The following EPS8 variants were observed in gnomAD, a reference collection of about 807,000 sequenced individuals.
EPS8 encodes epidermal growth factor receptor kinase substrate 8.
A neutral mutation model predicts 103.8 loss-of-function variants in EPS8; 42 were observed. That is an observed-to-expected ratio of 0.40 (90% CI 0.32 to 0.52). The LOEUF (loss-of-function observed/expected upper bound fraction) is 0.52, where lower values mean the gene tolerates loss of function less well. Ranked by LOEUF, EPS8 falls within the 20% of genes least tolerant of loss-of-function variation. EPS8 has a pLI of 0.40. For synonymous variants in EPS8, 344 were observed against 344.6 expected, an observed-to-expected ratio of 1.00 and a Z score of 0.02; for missense variants, 969 against 1,005.1, an observed-to-expected ratio of 0.96 and a Z score of 0.49.
intron 15 of EPS8, 55 bp downstream of exon 15, chr12:15,647,072 A>G (rs1421134419): frequency 7.2e-6 from 11 of 1,538,236 alleles, no homozygotes; most frequent in Non-Finnish European, 9.7e-6. Flanking sequence ...CTCTGTTAGC[A>G]CTAGATCAGA....
intron 1 of EPS8, among the ~76,000 whole-genome samples, chr12:15,686,231 A>T (rs1178246892): frequency 6.6e-6 from 1 of 152,160 alleles, no homozygotes; most frequent in African/African-American, 2.4e-5. Flanking sequence ...TCTCCTTCTT[A>T]AGTATTTTCT....
rs1944839568 is a variant in EPS8 at position 15,620,138 on chromosome 12, TG to T, written c.*1178del. The T allele has an allele frequency of 6.6e-6, 1 of 152,646 alleles. No individual in the cohort carries two copies. Among genetic ancestry groups the T allele is most frequent in the Non-Finnish European group, 1.5e-5 (1 of 68,044 alleles). 9.5% of individuals were successfully genotyped at this position (152,646 alleles called of 1,614,324 possible). Reference sequence around the variant, plus strand: ...CAGCCGATCTAGCACAGATCCTTTTTGCTAATGAGACAGAAACCATTTATTA... The same window carrying T: ...CAGCCGATCTAGCACAGATCCTTTTTCTAATGAGACAGAAACCATTTATTA... On this transcript the variant is annotated 3_prime_UTR_variant, in exon 21 of 21. Coordinates refer to ENST00000281172, the MANE Select transcript of EPS8 (RefSeq NM_004447.6).
In EPS8 at chr12:15,751,741, C is replaced by CT. The variant is rs1946933846; in HGVS notation, c.-22+37419_-22+37420insA. ...CCATTTCGCTCTCTCCTCCCTCCCT[C>CT]CTCTATACTTTCCCTCCTCCTTAGT... On this transcript the variant is annotated intron_variant, in intron 1 of 20. Coordinates refer to ENST00000281172, the MANE Select transcript of EPS8 (RefSeq NM_004447.6). The surrounding 1 kb of genome is among the most constrained non-coding windows in gnomAD (Gnocchi z 4.3). Among the ~76,000 whole-genome samples the CT allele has an allele frequency of 6.6e-6, 1 of 152,086 alleles. No individual in the cohort carries two copies.
intron 12 of EPS8, chr12:15,657,801 G>A (rs1052474749): frequency 3.0e-5 from 10 of 335,232 alleles, no homozygotes; most frequent in East Asian, 8.2e-5. Context: ...ACTAGTATAC[G>A]TTGAAATACT....
intron 1 of EPS8, among the ~76,000 whole-genome samples, chr12:15,726,323 G>A (rs986974497): frequency 6.6e-5 from 10 of 152,070 alleles, no homozygotes; most frequent in South Asian, 2.1e-4. Context: ...GGAGGGGGCT[G>A]GAAATCTCAG....
chr12:15,784,680 T>A lies in EPS8; in HGVS notation c.-22+4481A>T, dbSNP rs1055017539. Among the ~76,000 whole-genome samples the A allele has an allele frequency of 2.6e-5, 4 of 152,146 alleles. No individual in the cohort carries two copies. Among genetic ancestry groups the A allele is most frequent in the African/African-American group, 4.8e-5 (2 of 41,452 alleles). On this transcript the variant is annotated intron_variant, in intron 1 of 20. Coordinates refer to ENST00000281172, the MANE Select transcript of EPS8 (RefSeq NM_004447.6). The surrounding 1 kb of genome is among the most constrained non-coding windows in gnomAD (Gnocchi z 4.0). ...AAGAACTTATGTCTACCCAAAAACC[T>A]GCATGTGAATATTCATAGCAGCTTC...
rs1946356073 is a variant in EPS8, at chr12:15,704,373, T to A, written c.-21-21401A>T. Among the ~76,000 whole-genome samples the A allele has an allele frequency of 6.6e-6, 1 of 152,190 alleles. No homozygotes were observed. ...ATAAGTAAAATATCATACATCTACATAAGGGAATTATTTATCCTTTAAAAG... is the reference window on the plus strand; with the variant it reads ...ATAAGTAAAATATCATACATCTACAAAAGGGAATTATTTATCCTTTAAAAG... On this transcript the variant is annotated intron_variant, in intron 1 of 20. Coordinates refer to ENST00000281172, the MANE Select transcript of EPS8 (RefSeq NM_004447.6). This position sits in a 1 kb window ranked among gnomAD's most constrained non-coding sequence, Gnocchi z 4.6.
intron 1 of EPS8, among the ~76,000 whole-genome samples, chr12:15,715,627 C>G (rs1392433042): frequency 1.3e-5 from 2 of 151,640 alleles, no homozygotes; most frequent in African/African-American, 4.8e-5. Context: ...CTCAGGTGAT[C>G]TGCCGGCCTC....
rs1209173586 is a variant in EPS8, at chr12:15,713,894, A to G, written c.-21-30922T>C. Among the ~76,000 whole-genome samples the G allele has an allele frequency of 1.3e-5, 2 of 152,220 alleles. No individual in the cohort carries two copies. The highest frequency in any genetic ancestry group is 6.5e-5 in the Admixed American group (1 of 15,286). Reference sequence around the variant, plus strand: ...TAAAATCCTAAACCTATGACACAACAGTTTTGAAATGTGAATCTTATTTGT... The same window carrying G: ...TAAAATCCTAAACCTATGACACAACGGTTTTGAAATGTGAATCTTATTTGT... On this transcript the variant is annotated intron_variant, in intron 1 of 20. Coordinates refer to ENST00000281172, the MANE Select transcript of EPS8 (RefSeq NM_004447.6). This position sits in a 1 kb window ranked among gnomAD's most constrained non-coding sequence, Gnocchi z 4.8.
At chr12:15,730,934 G>A (rs1218448673) in intron 1 of EPS8, among the ~76,000 whole-genome samples, 1 of 150,630 alleles carries the variant, frequency 6.6e-6, no homozygotes, top group Non-Finnish European at 1.5e-5. Context: ...ATATAAATAA[G>A]AATATCTACA....
In EPS8 at chr12:15,701,565, TC is replaced by T. The variant is rs1946312016; in HGVS notation, c.-21-18594del. ...TAATCCATGCCTGGATTCAGGTATGTCCTTCTCATCCATTAGTTTAAAATTT... is the reference window on the plus strand; with the variant it reads ...TAATCCATGCCTGGATTCAGGTATGTCTTCTCATCCATTAGTTTAAAATTT... On this transcript the variant is annotated intron_variant, in intron 1 of 20. Transcript: ENST00000281172. The surrounding 1 kb of genome is among the most constrained non-coding windows in gnomAD (Gnocchi z 5.1). Among the ~76,000 whole-genome samples the T allele has an allele frequency of 6.6e-6, 1 of 152,222 alleles. No homozygotes were observed. The highest frequency in any genetic ancestry group is 2.4e-5 in the African/African-American group (1 of 41,464).
At position 15,785,874 on chromosome 12, in the gene EPS8, A is replaced by G. The variant is rs1029005882; in HGVS notation, c.-22+3287T>C. Among the ~76,000 whole-genome samples the G allele has an allele frequency of 2.6e-5, 4 of 151,992 alleles. No individual in the cohort carries two copies. The highest frequency in any genetic ancestry group is 3.2e-3 in the Middle Eastern group (1 of 316). On this transcript the variant is annotated intron_variant, in intron 1 of 20. Coordinates refer to ENST00000281172, the MANE Select transcript of EPS8 (RefSeq NM_004447.6). The surrounding 1 kb of genome is among the most constrained non-coding windows in gnomAD (Gnocchi z 4.9). ...TCAAGCTGTAACAAAGTAGCATTGT[A>G]TTATAACCCAAAATATTTAGATAGA...
At position 15,697,189 on chromosome 12, in the gene EPS8, G is replaced by C. The variant is rs1395737419; in HGVS notation, c.-21-14217C>G. Reference sequence around the variant, plus strand: ...AGACTGAAGAAGGGAAAACTTGAGGGACAAGCACAAACTGATTAAAATGTC... The same window carrying C: ...AGACTGAAGAAGGGAAAACTTGAGGCACAAGCACAAACTGATTAAAATGTC... On this transcript the variant is annotated intron_variant, in intron 1 of 20. Coordinates refer to ENST00000281172, the MANE Select transcript of EPS8 (RefSeq NM_004447.6). This position sits in a 1 kb window ranked among gnomAD's most constrained non-coding sequence, Gnocchi z 5.6. Among the ~76,000 whole-genome samples, 1 of 152,118 alleles carries C rather than the reference G, an allele frequency of 6.6e-6. No individual in the cohort carries two copies. The highest frequency in any genetic ancestry group is 1.5e-5 in the Non-Finnish European group (1 of 68,026).
chr12:15,674,113 C>A (rs1019549066), intron 3 of EPS8, among the ~76,000 whole-genome samples: 2 of 152,120 alleles, frequency 1.3e-5, no homozygotes, highest in African/African-American at 4.8e-5. Flanking sequence ...ATTAGTTGAA[C>A]TACAAGTATA....
At chr12:15,649,448 T>C (rs1471937832) in intron 14 of EPS8, among the ~76,000 whole-genome samples, 1 of 152,172 alleles carries the variant, frequency 6.6e-6, no homozygotes, top group Non-Finnish European at 1.5e-5. Flanking sequence ...TTTTCTTTCC[T>C]CTAGAAAAAC....
At chr12:15,773,411 A>G (rs972052491) in intron 1 of EPS8, among the ~76,000 whole-genome samples, 2 of 152,170 alleles carry the variant, frequency 1.3e-5, no homozygotes, top group East Asian at 1.9e-4. Context: ...TCCTCAGAAG[A>G]AGGAGGAAAT....
At position 15,620,679 on chromosome 12, in the gene EPS8, T is replaced by C. The variant is rs1430177973; in HGVS notation, c.*638A>G. ...ATATAAACTAAATCAAAATACAAGC[T>C]ATACAAGGAGTTGCAATCAACAGAG... On this transcript the variant is annotated 3_prime_UTR_variant, in exon 21 of 21. Transcript: ENST00000281172. 6.6e-6 allele frequency: 1 copy of C among 152,618 alleles called. No individual in the cohort carries two copies. The highest frequency in any genetic ancestry group is 1.5e-5 in the Non-Finnish European group (1 of 68,042). The allele number at this position is 152,618 out of a possible 1,614,324, so 9.5% of individuals were successfully genotyped here.
chr12:15,654,106 A>G (rs751461166), intron 13 of EPS8, 39 bp downstream of exon 13: 218 of 1,582,362 alleles, frequency 1.4e-4, no homozygotes, highest in Non-Finnish European at 1.8e-4. Context: ...TAATTAACAA[A>G]GAATGGTACT....
intron 1 of EPS8, among the ~76,000 whole-genome samples, chr12:15,754,630 A>G (rs996776197): frequency 6.6e-6 from 1 of 152,232 alleles, no homozygotes; most frequent in East Asian, 1.9e-4. Flanking sequence ...CCCTTTTTCC[A>G]TAATTGGAAA....
Sources: gnomAD v4.1 joint callset for allele counts (sites outside exome capture counted in the v4.1 genomes callset) on GRCh38, gnomAD v4.1.1 for gene constraint, Gnocchi (gnomAD v3.1) non-coding constraint, MANE v1.5 for transcripts, NCBI Gene and HGNC (gene_info 2026-07-23, HGNC 2026-07-21) for gene names.